LRRK1: variants seen among roughly 807,000 people sequenced by gnomAD.
LRRK1 encodes the protein leucine rich repeat kinase 1, also known as leucine-rich repeat serine/threonine-protein kinase 1.
Under a neutral mutation model 209.1 loss-of-function variants are expected in LRRK1, and 113 were observed. That is an observed-to-expected ratio of 0.54 (90% CI 0.46 to 0.63). The LOEUF (loss-of-function observed/expected upper bound fraction) is 0.63, where lower values mean the gene tolerates loss of function less well. LRRK1 is among the 30% of genes least tolerant of loss of function. The probability of loss-of-function intolerance (pLI) is 0.00; values close to 1 mark genes in which losing one functional copy is unlikely to be tolerated. For synonymous variants in LRRK1, 1,144 were observed against 1,099.7 expected (o/e 1.04, Z -0.80); for missense variants, 2,284 against 2,632.2 (o/e 0.87, Z 2.89).
chr15:100,998,772 G>A (rs567174923), intron 6 of LRRK1, among the ~76,000 whole-genome samples: 4 of 151,916 alleles, frequency 2.6e-5, no homozygotes, highest in Admixed American at 2.0e-4. Context: ...AGATGGGTGG[G>A]TAGACAGGTG....
At chr15:101,011,474 CAAAA>C (rs35220453) in intron 9 of LRRK1, among the ~76,000 whole-genome samples, 1 of 78,220 alleles carries the variant, frequency 1.3e-5, no homozygotes, top group Non-Finnish European at 2.7e-5. Context: ...GACTCTGTCT[CAAAA>C]AAAAAAAAAA....
chr15:101,012,577 A>G (rs2033309189), intron 10 of LRRK1, among the ~76,000 whole-genome samples: 1 of 152,098 alleles, frequency 6.6e-6, no homozygotes, highest in African/African-American at 2.4e-5. Flanking sequence ...CTCAGGGCCA[A>G]CCCCAGAAGG....
At chr15:100,977,256 C>T (rs1156246927) in intron 3 of LRRK1, among the ~76,000 whole-genome samples, 1 of 151,802 alleles carries the variant, frequency 6.6e-6, no homozygotes, top group Admixed American at 6.6e-5. Flanking sequence ...AACAGCAAAG[C>T]CAGGCAGGAA....
At chr15:100,934,697 G>A (rs74801720) in intron 2 of LRRK1, among the ~76,000 whole-genome samples, 9,242 of 150,590 alleles carry the variant, frequency 0.061, 847 homozygotes, top group African/African-American at 0.2. Flanking sequence ...AGCTACTTGG[G>A]GGTGCTGAGG....
chr15:100,930,939 A>G (rs1177965750), intron 2 of LRRK1, among the ~76,000 whole-genome samples: 10 of 152,248 alleles, frequency 6.6e-5, no homozygotes, highest in African/African-American at 2.4e-4. Flanking sequence ...AGTTTGATGA[A>G]TGAAAATAAG....
intron 3 of LRRK1, chr15:100,974,190 C>T (rs2031156904): frequency 7.6e-6 from 3 of 393,556 alleles, no homozygotes; most frequent in Non-Finnish European, 1.3e-5. Context: ...CATGGGAGGC[C>T]TTTGAGGGAC....
chr15:100,932,201 G>T (rs2042225104), intron 2 of LRRK1, among the ~76,000 whole-genome samples: 1 of 152,258 alleles, frequency 6.6e-6, no homozygotes, highest in East Asian at 1.9e-4. Flanking sequence ...GGCCGGGCTG[G>T]TCTGGAACTC....
chr15:100,924,554 T>C lies in LRRK1; in HGVS notation c.-79T>C, dbSNP rs1355965723. 2.3e-6 allele frequency: 3 copies of C among 1,301,748 alleles called. No individual in the cohort carries two copies. The highest frequency in any genetic ancestry group is 2.9e-5 in the African/African-American group (2 of 68,662). The allele number at this position is 1,301,748 out of a possible 1,614,324, so 80.6% of individuals were successfully genotyped here. ...TCAGCCATGGCTACGAGTCCACGCC[T>C]TAATGCACCCCACAGCCAGCGGCAG... is the stretch of plus-strand genomic sequence containing the variant. On this transcript the variant is annotated 5_prime_UTR_variant, in exon 2 of 34. Transcript: ENST00000388948.
chr15:101,054,998 G>A lies in LRRK1; in HGVS notation c.4107G>A (p.Gln1369=). 1.2e-6 allele frequency: 2 copies of A among 1,613,892 alleles called. No individual in the cohort carries two copies. Among genetic ancestry groups the A allele is most frequent in the South Asian group, 1.1e-5 (1 of 91,048 alleles). ...TGCTCACCCAAAAAATAGCCTACCA[G>A]ATCGCCTCGGGCCTGGCCTACCTGC... ...GHMLTQKIAY[Q]IASGLAYLHK... The change falls in exon 27 of 34, where the codon CAG becomes CAA. Residue 1369 remains glutamine, a synonymous_variant. Coordinates refer to ENST00000388948, the MANE Select transcript of LRRK1 (RefSeq NM_024652.6).
At position 101,051,961 on chromosome 15, in the gene LRRK1, G is replaced by T; in HGVS notation, c.3689+1G>T. The T allele has an allele frequency of 6.2e-7, 1 of 1,612,408 alleles. No individual in the cohort carries two copies. The highest frequency in any genetic ancestry group is 8.5e-7 in the Non-Finnish European group (1 of 1,179,114). ...TGTTCATGACCGACTTCCCGGCCAG[G>T]TATGCCCCGAAGGCCCCTCCCAGAA... On this transcript the variant is annotated splice_donor_variant, in intron 24 of 33. Transcript: ENST00000388948. LOFTEE classifies it high-confidence loss of function.
intron 23 of LRRK1, 92 bp downstream of exon 23, chr15:101,049,875 C>T: frequency 7.2e-7 from 1 of 1,396,646 alleles, no homozygotes; most frequent in Admixed American, 2.3e-5. Context: ...GACAAAAATC[C>T]CACTGGGATT....
rs2036974950 is a variant in LRRK1, at chr15:101,076,058, GAACTCCTTTCCTTC to G, written c.*7211_*7224del. ...AACCCCAACCCCTTCTACAAAACAA[GAACTCCTTTCCTTC>G]CTAGGCATGGTTAGTGCAGTCAGAA... On this transcript the variant is annotated 3_prime_UTR_variant, in exon 34 of 34. Transcript: ENST00000388948. 6.6e-6 allele frequency: 1 copy of G among 151,410 alleles called. No individual in the cohort carries two copies. The highest frequency in any genetic ancestry group is 2.1e-4 in the South Asian group (1 of 4,764). 9.4% of individuals were successfully genotyped at this position (151,410 alleles called of 1,614,324 possible). A position where few individuals can be genotyped will look rare whatever the true frequency, so the allele number is the denominator to read the frequency against.
Position 101,027,281 on chromosome 15 carries a change from T to C in LRRK1, c.2426T>C (p.Leu809Pro), listed in dbSNP as rs2034073805. 6.2e-7 allele frequency: 1 copy of C among 1,613,904 alleles called. No homozygotes were observed. Among genetic ancestry groups the C allele is most frequent in the Non-Finnish European group, 8.5e-7 (1 of 1,180,018 alleles). ...KHLHEISCKS[L>P]EGQEGLRQLI... ...CACAGTGAGATTTCCTGCAAGAGCC[T>C]GGAAGGTCAGGAAGGGCTGCGACAG... The change falls in exon 18 of 34, where the codon CTG becomes CCG. Residue 809 changes from leucine to proline, a missense_variant. Transcript: ENST00000388948. This position sits in a 1 kb window ranked among gnomAD's most constrained non-coding sequence, Gnocchi z 5.1.
chr15:101,056,742 T>G (rs1287916540), intron 27 of LRRK1, 114 bp from the exon 28 acceptor site: 13 of 769,646 alleles, frequency 1.7e-5, no homozygotes, highest in Admixed American at 2.8e-5. Flanking sequence ...GGTGGTTTGT[T>G]GAATGTTTGT....
chr15:100,936,503 T>C (rs1366494765), intron 2 of LRRK1, among the ~76,000 whole-genome samples: 9 of 152,260 alleles, frequency 5.9e-5, no homozygotes. Context: ...AGCCTGAATC[T>C]GCAAGATGGC....
chr15:101,008,374 G>A (rs948458142), intron 6 of LRRK1, among the ~76,000 whole-genome samples: 3 of 152,150 alleles, frequency 2.0e-5, no homozygotes, highest in Non-Finnish European at 4.4e-5. Context: ...GCGGGCAGCT[G>A]CAGGCGGCAG....
intron 23 of LRRK1, chr15:101,050,753 C>G (rs1000140964): frequency 1.3e-5 from 2 of 152,392 alleles, no homozygotes; most frequent in Non-Finnish European, 2.9e-5. Context: ...GGTTGGGGTC[C>G]TTCACACTGT....
chr15:100,948,526 T>C (rs1361346864), intron 2 of LRRK1, among the ~76,000 whole-genome samples: 2 of 152,278 alleles, frequency 1.3e-5, no homozygotes, highest in Non-Finnish European at 2.9e-5. Context: ...GTTGCAAATT[T>C]TTTTTTCTAA....
chr15:101,015,568 G>A (rs1487576503), intron 12 of LRRK1, among the ~76,000 whole-genome samples, 166 bp downstream of exon 12: 13 of 152,156 alleles, frequency 8.5e-5, no homozygotes. Context: ...TATGAGCTGC[G>A]CCCATTCTTT....
Sources: allele counts gnomAD v4.1 joint callset (sites outside exome capture counted in the v4.1 genomes callset), GRCh38; gene constraint gnomAD v4.1.1; non-coding constraint Gnocchi (gnomAD v3.1); transcripts MANE v1.5; gene names NCBI Gene and HGNC (gene_info 2026-07-23, HGNC 2026-07-21).